The following SLC19A1 variants were observed in gnomAD, a reference collection of about 807,000 sequenced individuals.
SLC19A1 encodes solute carrier family 19 member 1.
Under a neutral mutation model 35.3 loss-of-function variants are expected in SLC19A1, and 37 were observed. The ratio of observed to expected loss-of-function variants is 1.05; its 90% confidence interval spans 0.81 to 1.38. SLC19A1 has a LOEUF of 1.38. SLC19A1 is among the 40% of genes most tolerant of loss of function. The probability of loss-of-function intolerance (pLI) is 0.00; values close to 1 mark genes in which losing one functional copy is unlikely to be tolerated. For synonymous variants in SLC19A1, 460 were observed against 398.5 expected (o/e 1.15, Z -1.84); for missense variants, 831 against 826.9 (o/e 1.00, Z -0.06).
chr21:45,553,145 C>T (rs2078484106), intron 1 of SLC19A1, among the ~76,000 whole-genome samples: 1 of 152,198 alleles, frequency 6.6e-6, no homozygotes, highest in Non-Finnish European at 1.5e-5. Flanking sequence ...GGGCAGGGGC[C>T]TTTGCTGCCG....
intron 1 of SLC19A1, among the ~76,000 whole-genome samples, chr21:45,551,905 C>T (rs2078469629): frequency 6.6e-6 from 1 of 152,180 alleles, no homozygotes; most frequent in Non-Finnish European, 1.5e-5. Context: ...TGCATGTCCA[C>T]GCCTTTATGT....
In SLC19A1 at chr21:45,516,022, C is replaced by A. The variant is rs756227327; in HGVS notation, c.1412G>T (p.Gly471Val). The change falls in exon 6 of 6, where the codon GGC becomes GTC. Residue 471 changes from glycine (G) to valine (V), a missense_variant. Coordinates refer to ENST00000311124, the MANE Select transcript of SLC19A1 (RefSeq NM_194255.4). The part of the protein sequence containing the change: ...GHHPRQPPAQ[G>V]LRSAAEEKAA... Reference sequence around the variant, plus strand: ...CTTCTCCTCCGCGGCACTCCTCAGGCCCTGGGCCGGGGGCTGCCGCGGGTG... The same window carrying A: ...CTTCTCCTCCGCGGCACTCCTCAGGACCTGGGCCGGGGGCTGCCGCGGGTG... 1.9e-6 allele frequency: 3 copies of A among 1,577,738 alleles called. No homozygotes were observed. The highest frequency in any genetic ancestry group is 4.6e-5 in the East Asian group (2 of 43,760).
downstream of SLC19A1, among the ~76,000 whole-genome samples, chr21:45,510,699 ACTGGG>A (rs1239544534): frequency 3.9e-4 from 59 of 152,224 alleles, no homozygotes; most frequent in African/African-American, 1.3e-3. Context: ...CTTTTCGTGC[ACTGGG>A]CTGTGGCTTC....
At chr21:45,560,076 G>A (rs150857266) in intron 1 of SLC19A1, among the ~76,000 whole-genome samples, 9 of 151,682 alleles carry the variant, frequency 5.9e-5, no homozygotes, top group African/African-American at 9.8e-5. Flanking sequence ...AAACTGGCTC[G>A]TGCCAGGTGT....
In SLC19A1 at chr21:45,512,779, A is replaced by G; in HGVS notation, c.*2879T>C. The stretch of plus-strand genomic sequence containing the variant: ...CAGGTGCTGACTTCATCTCCCACCT[A>G]GCAGCACCGTTCTGTGCACAAAACC... On this transcript the variant is annotated 3_prime_UTR_variant, in exon 6 of 6. Coordinates refer to ENST00000311124, the MANE Select transcript of SLC19A1 (RefSeq NM_194255.4). The G allele has an allele frequency of 2.8e-6, 1 of 351,828 alleles. No individual in the cohort carries two copies. Among genetic ancestry groups the G allele is most frequent in the Admixed American group, 4.3e-5 (1 of 23,520 alleles). The allele number at this position is 351,828 out of a possible 1,614,324, so 21.8% of individuals were successfully genotyped here.
At chr21:45,542,719 T>C (rs1318566130), upstream of SLC19A1, among the ~76,000 whole-genome samples, 4 of 129,970 alleles carry the variant, frequency 3.1e-5, no homozygotes, top group African/African-American at 1.2e-4. Context: ...GGCGTCAGCA[T>C]CCTGGGGTGC....
At chr21:45,548,921 T>C (rs2078439147), upstream of SLC19A1, among the ~76,000 whole-genome samples, 1 of 152,214 alleles carries the variant, frequency 6.6e-6, no homozygotes, top group Non-Finnish European at 1.5e-5. Context: ...TTGACAAGGC[T>C]GTGGAGTAGT....
chr21:45,509,724 C>A, downstream of SLC19A1: 2 of 727,146 alleles, frequency 2.8e-6, no homozygotes, highest in South Asian at 3.0e-5. Flanking sequence ...GGGGGTCTGG[C>A]GGCTCAGGGC....
chr21:45,538,728 AG>A (rs1032146362), intron 1 of SLC19A1, among the ~76,000 whole-genome samples: 1 of 152,184 alleles, frequency 6.6e-6, no homozygotes, highest in Non-Finnish European at 1.5e-5. Context: ...CCCTGAGCCC[AG>A]GGACCCCAGC....
downstream of SLC19A1, among the ~76,000 whole-genome samples, chr21:45,508,498 GA>G (rs1243101334): frequency 9.3e-5 from 14 of 150,568 alleles, no homozygotes; most frequent in East Asian, 9.7e-4. Flanking sequence ...TGGGTGGATG[GA>G]TGGTGGGTAA....
At chr21:45,504,261 AG>A (rs2037046344) in intron 3 of SLC19A1, 2 of 868,966 alleles carry the variant, frequency 2.3e-6, no homozygotes, top group Admixed American at 4.6e-5. Context: ...ATGCAGTGGG[AG>A]GTGGGGAGTC....
chr21:45,529,759 G>A (rs1282007221), intron 4 of SLC19A1, among the ~76,000 whole-genome samples: 1 of 151,634 alleles, frequency 6.6e-6, no homozygotes, highest in African/African-American at 2.4e-5. Context: ...CCATGTGTAA[G>A]CATGTGGTGT....
chr21:45,557,911 G>A (rs1196803075), intron 1 of SLC19A1, among the ~76,000 whole-genome samples: 2 of 152,242 alleles, frequency 1.3e-5, no homozygotes, highest in African/African-American at 4.8e-5. Context: ...GGGAGTGATA[G>A]TGTGATGCTC....
rs958961571 is a variant in SLC19A1 at position 45,540,297 on chromosome 21, C to T, written c.-50+2071G>A. Among the ~76,000 whole-genome samples, 1 of 152,178 alleles carries T rather than the reference C, an allele frequency of 6.6e-6. No homozygotes were observed. The highest frequency in any genetic ancestry group is 1.5e-5 in the Non-Finnish European group (1 of 68,024). ...CCGATCCCCAGACAACCAGAGCAAC[C>T]AGATCGCCGCAGACAACGGGGAGCC... On this transcript the variant is annotated intron_variant, in intron 1 of 5. Transcript: ENST00000311124. The surrounding 1 kb of genome is among the most constrained non-coding windows in gnomAD (Gnocchi z 5.5).
At chr21:45,503,864 C>G (rs2037018944) in intron 3 of SLC19A1, 1 of 658,966 alleles carries the variant, frequency 1.5e-6, no homozygotes, top group African/African-American at 1.8e-5. Context: ...TATCGGTTAA[C>G]TAGGAAGAAC....
intron 2 of SLC19A1, among the ~76,000 whole-genome samples, chr21:45,536,696 T>C (rs1464367300): frequency 2.6e-5 from 4 of 152,008 alleles, no homozygotes; most frequent in Admixed American, 6.5e-5. Context: ...TCTGGGAGGG[T>C]TGGGGTCCGG....
upstream of SLC19A1, among the ~76,000 whole-genome samples, chr21:45,543,334 C>T (rs965821700): frequency 6.6e-6 from 1 of 152,238 alleles, no homozygotes; most frequent in African/African-American, 2.4e-5. Flanking sequence ...GGAGGGAAGC[C>T]AAGCCGAGGG....
chr21:45,543,258 G>A (rs1411970955), upstream of SLC19A1, among the ~76,000 whole-genome samples: 1 of 152,180 alleles, frequency 6.6e-6, no homozygotes, highest in Non-Finnish European at 1.5e-5. Context: ...GCCTGTGCAG[G>A]ACACGGGGAG....
chr21:45,522,952 A>G (rs1408107604), intron 5 of SLC19A1, among the ~76,000 whole-genome samples: 1 of 152,178 alleles, frequency 6.6e-6, no homozygotes, highest in Non-Finnish European at 1.5e-5. Flanking sequence ...ACAGAACTGT[A>G]AGACGTGACC....
Sources: allele counts gnomAD v4.1 joint callset (sites outside exome capture counted in the v4.1 genomes callset), GRCh38; gene constraint gnomAD v4.1.1; non-coding constraint Gnocchi (gnomAD v3.1); transcripts MANE v1.5; gene names NCBI Gene and HGNC (gene_info 2026-07-23, HGNC 2026-07-21).